NR6A1: variants seen among roughly 807,000 people sequenced by gnomAD.
NR6A1 encodes nuclear receptor subfamily 6 group A member 1, also known as retinoic acid receptor-related testis-associated receptor.
Under a neutral mutation model 59.1 loss-of-function variants are expected in NR6A1, and 7 were observed. The observed-to-expected ratio is 0.12, with a 90% CI of 0.07 to 0.22. The LOEUF is 0.22. Among genes scored for constraint, NR6A1 ranks in the 10% least tolerant of loss-of-function variants. The pLI is 1.00. For missense variants in NR6A1, 468 were observed against 611.6 expected (o/e 0.77, Z 2.48); for synonymous variants, 243 against 236.1 (o/e 1.03, Z -0.27).
At chr9:124,722,986 C>A (rs1284585403) in intron 2 of NR6A1, among the ~76,000 whole-genome samples, 1 of 151,920 alleles carries the variant, frequency 6.6e-6, no homozygotes, top group African/African-American at 2.4e-5. Flanking sequence ...CCCACCACAC[C>A]CAGCACTTAA....
At chr9:124,550,111 G>A (rs1477132609) in intron 3 of NR6A1, among the ~76,000 whole-genome samples, 1 of 152,170 alleles carries the variant, frequency 6.6e-6, no homozygotes, top group Non-Finnish European at 1.5e-5. Context: ...CTCTGTGTGT[G>A]TATATGTGTG....
chr9:124,741,948 C>G (rs373909634), intron 1 of NR6A1, among the ~76,000 whole-genome samples: 3 of 152,080 alleles, frequency 2.0e-5, no homozygotes, highest in Non-Finnish European at 4.4e-5. Flanking sequence ...GCCAGGAGCA[C>G]AGAGAGGAGA....
At chr9:124,579,469 G>T (rs1347327703) in intron 2 of NR6A1, among the ~76,000 whole-genome samples, 1 of 152,110 alleles carries the variant, frequency 6.6e-6, no homozygotes, top group East Asian at 1.9e-4. Flanking sequence ...TACTGGGAGG[G>T]TCACTTGAGC....
intron 2 of NR6A1, among the ~76,000 whole-genome samples, chr9:124,571,858 C>A (rs1834445586): frequency 6.6e-6 from 1 of 151,918 alleles, no homozygotes. Flanking sequence ...AACCCAGTTT[C>A]TTTCCAATAA....
intron 2 of NR6A1, among the ~76,000 whole-genome samples, chr9:124,718,654 C>T (rs904437674): frequency 6.6e-6 from 1 of 151,924 alleles, no homozygotes; most frequent in South Asian, 2.1e-4. Flanking sequence ...TGAAAGATAC[C>T]CTGTAATCTC....
Position 124,540,146 on chromosome 9 carries a change from C to T in NR6A1, c.483G>A (p.Glu161=). Reference sequence around the variant, plus strand: ...TCCAGTGATTGGCCTCTTCCTCAAACTCCTGCCCAGACATGATCCTTTCGA... The same window carrying T: ...TCCAGTGATTGGCCTCTTCCTCAAATTCCTGCCCAGACATGATCCTTTCGA... ...EEIERIMSGQ[E]FEEEANHWSN... The change falls in exon 5 of 10, where the codon GAG becomes GAA. Residue 161 remains glutamate, a synonymous_variant. Transcript: ENST00000487099. 6.2e-7 allele frequency: 1 copy of T among 1,614,084 alleles called. No homozygotes were observed. The highest frequency in any genetic ancestry group is 1.3e-5 in the African/African-American group (1 of 75,064).
chr9:124,659,027 G>A (rs569997628), intron 2 of NR6A1, among the ~76,000 whole-genome samples: 104 of 152,308 alleles, frequency 6.8e-4, no homozygotes, highest in African/African-American at 1.9e-3. Context: ...TTAAAATGGA[G>A]TATTTAAAGA....
chr9:124,530,326 G>A (rs1833068133), intron 7 of NR6A1, among the ~76,000 whole-genome samples: 1 of 152,142 alleles, frequency 6.6e-6, no homozygotes, highest in African/African-American at 2.4e-5. Context: ...CAGCCTGACT[G>A]CAAAGCTTTC....
At chr9:124,530,866 T>C (rs765047439) in intron 7 of NR6A1, among the ~76,000 whole-genome samples, 10 of 152,236 alleles carry the variant, frequency 6.6e-5, no homozygotes, top group Admixed American at 3.3e-4. Context: ...AGGCTGGGCA[T>C]TGGAGCACAA....
intron 2 of NR6A1, among the ~76,000 whole-genome samples, chr9:124,719,718 A>G (rs1415243117): frequency 6.6e-6 from 1 of 152,118 alleles, no homozygotes; most frequent in Non-Finnish European, 1.5e-5. Flanking sequence ...TAGGAGTTGG[A>G]AACCAGCCTG....
intron 1 of NR6A1, among the ~76,000 whole-genome samples, chr9:124,734,394 GA>G (rs1394152452): frequency 6.6e-6 from 1 of 152,184 alleles, no homozygotes; most frequent in Non-Finnish European, 1.5e-5. Context: ...AGTAAATTCA[GA>G]AATATCGGAT....
chr9:124,574,795 G>T (rs2131441002), intron 2 of NR6A1, among the ~76,000 whole-genome samples: 1 of 152,276 alleles, frequency 6.6e-6, no homozygotes, highest in Middle Eastern at 3.4e-3. Flanking sequence ...GAAAGAGAGG[G>T]AAATCATTCT....
At position 124,685,230 on chromosome 9, in the gene NR6A1, A is replaced by C. The variant is rs1216103885; in HGVS notation, c.142+48078T>G. Reference sequence around the variant, plus strand: ...TAATATGAACGCTTTTGAAAAATACAGAATTTACTCCTAGAAAAGCTGATT... The same window carrying C: ...TAATATGAACGCTTTTGAAAAATACCGAATTTACTCCTAGAAAAGCTGATT... On this transcript the variant is annotated intron_variant, in intron 2 of 9. Transcript: ENST00000487099. Among the ~76,000 whole-genome samples, 5 of 152,250 alleles carry C rather than the reference A, an allele frequency of 3.3e-5. No individual in the cohort carries two copies. The East Asian group carries it at 9.6e-4, about 29-fold the overall frequency.
At chr9:124,663,060 T>C (rs189560808) in intron 2 of NR6A1, among the ~76,000 whole-genome samples, 1 of 152,198 alleles carries the variant, frequency 6.6e-6, no homozygotes, top group Non-Finnish European at 1.5e-5. Context: ...AAAGAAATGA[T>C]GAATTAGGTC....
chr9:124,655,561 G>A (rs1279345124), intron 2 of NR6A1, among the ~76,000 whole-genome samples: 4 of 152,168 alleles, frequency 2.6e-5, no homozygotes, highest in African/African-American at 9.7e-5. Flanking sequence ...CAACTCAAGA[G>A]AAACTGGCCA....
At chr9:124,711,907 C>A (rs894579408) in intron 2 of NR6A1, among the ~76,000 whole-genome samples, 6 of 152,056 alleles carry the variant, frequency 3.9e-5, no homozygotes, top group African/African-American at 1.4e-4. Context: ...GACTATAGGC[C>A]CCATATATTT....
At chr9:124,543,664 T>C in intron 4 of NR6A1, 138 bp downstream of exon 4, 1 of 594,882 alleles carries the variant, frequency 1.7e-6, no homozygotes, top group South Asian at 2.6e-5. Flanking sequence ...ATCCAGGATG[T>C]AAAAGCACTT....
At chr9:124,533,210 A>C (rs1177187745) in intron 7 of NR6A1, among the ~76,000 whole-genome samples, 1 of 152,230 alleles carries the variant, frequency 6.6e-6, no homozygotes, top group East Asian at 1.9e-4. Context: ...CCAGCTCTGC[A>C]AACCCTGACA....
intron 2 of NR6A1, among the ~76,000 whole-genome samples, chr9:124,566,195 T>C (rs999865174): frequency 9.9e-5 from 15 of 152,284 alleles, no homozygotes; most frequent in Admixed American, 9.8e-4. Context: ...AAAGAATAAA[T>C]ACTATAGGAT....
Sources: gnomAD v4.1 joint callset for allele counts (sites outside exome capture counted in the v4.1 genomes callset) on GRCh38, gnomAD v4.1.1 for gene constraint, MANE v1.5 for transcripts, NCBI Gene and HGNC (gene_info 2026-07-23, HGNC 2026-07-21) for gene names.